Variants in CFAP36 observed in about 807,000 individuals in gnomAD.
CFAP36 encodes the protein cilia- and flagella-associated protein 36.
In CFAP36, 37 loss-of-function variants were observed where a neutral mutation model predicts 50.5. The observed-to-expected ratio is 0.73, with a 90% confidence interval of 0.56 to 0.96. The LOEUF (loss-of-function observed/expected upper bound fraction) is 0.96. Ranked by LOEUF, CFAP36 falls within the 50% of genes least tolerant of loss-of-function variation. CFAP36 has a pLI of 0.00. For missense variants in CFAP36, 407 were observed against 396.2 expected (o/e 1.03, Z -0.23); for synonymous variants, 138 against 128.2 (o/e 1.08, Z -0.52).
chr2:55,535,563 C>T (rs1684458836), intron 5 of CFAP36, 149 bp from the exon 6 acceptor site: 4 of 594,700 alleles, frequency 6.7e-6, no homozygotes, highest in Non-Finnish European at 1.1e-5. Flanking sequence ...TGACTGTAAG[C>T]CACTTTAGAG....
intron 7 of CFAP36, among the ~76,000 whole-genome samples, chr2:55,542,871 G>A (rs1684672509): frequency 6.6e-6 from 1 of 152,120 alleles, no homozygotes; most frequent in Non-Finnish European, 1.5e-5. Context: ...GTCTAGGTTG[G>A]TTTGGAGTGC....
chr2:55,532,120 C>G (rs1354636470), intron 4 of CFAP36, among the ~76,000 whole-genome samples: 1 of 151,772 alleles, frequency 6.6e-6, no homozygotes, highest in African/African-American at 2.4e-5. Context: ...TAAGCCCAGC[C>G]TCAGACTTCT....
At chr2:55,539,585 A>T (rs1241208853) in intron 7 of CFAP36, 1 of 152,248 alleles carries the variant, frequency 6.6e-6, no homozygotes, top group Non-Finnish European at 1.5e-5. Flanking sequence ...TATAAACATC[A>T]GTGTGCAGGT....
Position 55,519,780 on chromosome 2 carries a change from CCCGT to C in CFAP36, c.-21_-18del. 6.2e-7 allele frequency: 1 copy of C among 1,613,524 alleles called. No homozygotes were observed. The highest frequency in any genetic ancestry group is 1.3e-5 in the African/African-American group (1 of 75,062). On this transcript the variant is annotated 5_prime_UTR_variant, in exon 1 of 10. Coordinates refer to ENST00000349456, the MANE Select transcript of CFAP36 (RefSeq NM_080667.7). ...CCGGCGGTCTGGCCTAGGGATCTTC[CCCGT>C]TGCCCCTTTGGGGCGGGATGGCTGC...
intron 7 of CFAP36, among the ~76,000 whole-genome samples, chr2:55,540,805 G>A (rs1280911801): frequency 6.6e-6 from 1 of 152,070 alleles, no homozygotes; most frequent in East Asian, 1.9e-4. Flanking sequence ...GAGCTCAGGA[G>A]TTCAAAACCA....
chr2:55,538,283 TTTTTC>T (rs1462336210), intron 7 of CFAP36, among the ~76,000 whole-genome samples: 1 of 138,356 alleles, frequency 7.2e-6, no homozygotes, highest in Non-Finnish European at 1.5e-5. Context: ...ATAATCCTTG[TTTTTC>T]TTTTATCTTT....
At chr2:55,535,648 T>A in intron 5 of CFAP36, 64 bp from the exon 6 acceptor site, 1 of 1,228,394 alleles carries the variant, frequency 8.1e-7, no homozygotes, top group South Asian at 1.5e-5. Context: ...GTTGCTTAGT[T>A]GAATATTTGT....
At chr2:55,520,800 G>A (rs1684043122) in intron 1 of CFAP36, among the ~76,000 whole-genome samples, 1 of 152,314 alleles carries the variant, frequency 6.6e-6, no homozygotes, top group South Asian at 2.1e-4. Context: ...AGGTTGAGTA[G>A]AATAGAGCTA....
chr2:55,529,807 G>T (rs1190162175), intron 4 of CFAP36, among the ~76,000 whole-genome samples: 1 of 151,776 alleles, frequency 6.6e-6, no homozygotes. Context: ...CCACCACTCC[G>T]GGCTAATTTT....
chr2:55,524,192 G>A (rs1013811837), intron 3 of CFAP36, among the ~76,000 whole-genome samples: 3 of 152,138 alleles, frequency 2.0e-5, no homozygotes, highest in South Asian at 2.1e-4. Context: ...GGAACTACTT[G>A]TATTATCTTA....
intron 1 of CFAP36, chr2:55,520,443 C>G: frequency 6.5e-7 from 1 of 1,548,462 alleles, no homozygotes; most frequent in Non-Finnish European, 8.7e-7. Flanking sequence ...TCCAGGAAGC[C>G]CAGAGCCGGT....
intron 5 of CFAP36, among the ~76,000 whole-genome samples, chr2:55,534,233 C>T (rs1299799617): frequency 6.6e-6 from 1 of 152,172 alleles, no homozygotes; most frequent in Non-Finnish European, 1.5e-5. Flanking sequence ...GAAAAAGTTG[C>T]AGTAGACCTA....
intron 7 of CFAP36, among the ~76,000 whole-genome samples, chr2:55,540,577 T>C (rs1684611373): frequency 6.6e-6 from 1 of 152,198 alleles, no homozygotes; most frequent in Non-Finnish European, 1.5e-5. Flanking sequence ...ATTCTGGGTG[T>C]TTTGCCTCTC....
chr2:55,531,458 GA>G (rs1372714850), intron 4 of CFAP36, among the ~76,000 whole-genome samples: 3 of 152,170 alleles, frequency 2.0e-5, no homozygotes, highest in African/African-American at 7.2e-5. Flanking sequence ...CTCCAGTGAA[GA>G]AAAGATCTCC....
chr2:55,536,042 G>A (rs887706358), intron 6 of CFAP36: 7 of 478,478 alleles, frequency 1.5e-5, no homozygotes, highest in African/African-American at 1.2e-4. Flanking sequence ...AGCAAGAGTA[G>A]TCATTTTTTT....
At chr2:55,520,750 T>C (rs754024384) in intron 1 of CFAP36, among the ~76,000 whole-genome samples, 1 of 152,188 alleles carries the variant, frequency 6.6e-6, no homozygotes, top group Admixed American at 6.5e-5. Context: ...TTGAGGGTAG[T>C]AGTATTCATC....
chr2:55,543,550 CA>C (rs750435413), intron 7 of CFAP36, among the ~76,000 whole-genome samples: 60 of 152,116 alleles, frequency 3.9e-4, no homozygotes, highest in Non-Finnish European at 7.3e-5. Flanking sequence ...TACATGCAAG[CA>C]AAAGTTTGGA....
intron 1 of CFAP36, among the ~76,000 whole-genome samples, chr2:55,521,775 G>A (rs762153950): frequency 4.6e-5 from 7 of 151,656 alleles, no homozygotes; most frequent in Admixed American, 6.6e-5. Flanking sequence ...GTCTACAGGC[G>A]CGCACAACCA....
chr2:55,526,176 A>G (rs1261751516), intron 3 of CFAP36, among the ~76,000 whole-genome samples: 1 of 152,262 alleles, frequency 6.6e-6, no homozygotes, highest in Non-Finnish European at 1.5e-5. Context: ...GCCTTGAATT[A>G]TAGTTTCCTA....
Sources: allele counts gnomAD v4.1 joint callset (sites outside exome capture counted in the v4.1 genomes callset), GRCh38; gene constraint gnomAD v4.1.1; transcripts MANE v1.5; gene names NCBI Gene and HGNC (gene_info 2026-07-23, HGNC 2026-07-21).